Variants in IQCM observed in about 807,000 individuals in gnomAD.
IQCM encodes the protein IQ domain-containing protein M.
In IQCM, 45 loss-of-function variants were observed where a neutral mutation model predicts 57.6. The ratio of observed to expected loss-of-function variants is 0.78; its 90% CI spans 0.62 to 1.00. The LOEUF is 1.00. IQCM is among the 50% of genes least tolerant of loss of function. The probability of loss-of-function intolerance (pLI) is 0.00; values close to 1 mark genes in which losing one functional copy is unlikely to be tolerated. For missense variants in IQCM, 468 were observed against 511.6 expected, an observed-to-expected ratio of 0.91 and a Z score of 0.82; for synonymous variants, 148 against 158.9, an observed-to-expected ratio of 0.93 and a Z score of 0.51.
At chr4:149,493,803 GCT>G (rs1031677929) in intron 12 of IQCM, among the ~76,000 whole-genome samples, 1 of 151,442 alleles carries the variant, frequency 6.6e-6, no homozygotes, top group African/African-American at 2.4e-5. Context: ...TGCTGCAAAC[GCT>G]GTCCTTCACT....
intron 7 of IQCM, among the ~76,000 whole-genome samples, chr4:149,628,084 T>A (rs1420721314): frequency 6.6e-6 from 1 of 152,114 alleles, no homozygotes; most frequent in East Asian, 1.9e-4. Flanking sequence ...TCTACAAATA[T>A]AAGAAAAAAT....
At chr4:149,494,176 G>A (rs532407455) in intron 12 of IQCM, among the ~76,000 whole-genome samples, 23 of 151,982 alleles carry the variant, frequency 1.5e-4, no homozygotes, top group African/African-American at 4.1e-4. Flanking sequence ...CACAGCAGTC[G>A]TTTTTAACGG....
chr4:149,708,062 T>C (rs549659373), intron 5 of IQCM, among the ~76,000 whole-genome samples: 1 of 152,048 alleles, frequency 6.6e-6, no homozygotes, highest in African/African-American at 2.4e-5. Context: ...CACTCTGCCA[T>C]CCACTCAACA....
intron 7 of IQCM, among the ~76,000 whole-genome samples, chr4:149,650,048 G>A (rs1437038718): frequency 6.6e-6 from 1 of 152,052 alleles, no homozygotes; most frequent in African/African-American, 2.4e-5. Flanking sequence ...AAGATAGTAG[G>A]CCCCATGTTA....
At chr4:149,422,741 C>G (rs1362817265) in intron 13 of IQCM, among the ~76,000 whole-genome samples, 2 of 151,950 alleles carry the variant, frequency 1.3e-5, no homozygotes, top group Admixed American at 1.3e-4. Context: ...GTGCCCTCAG[C>G]TCCTCAATTC....
At position 149,354,384 on chromosome 4, in the gene IQCM, A is replaced by C. The variant is rs960607708; in HGVS notation, c.1391-2318T>G. ...GTCTCAAAAAAAAAAAAAAAAAAAAAAAAAACTGACAAATTAGGCCACAGT... is the reference window on the plus strand; with the variant it reads ...GTCTCAAAAAAAAAAAAAAAAAAAACAAAAACTGACAAATTAGGCCACAGT... On this transcript the variant is annotated intron_variant, in intron 13 of 13. Transcript: ENST00000636793. Among the ~76,000 whole-genome samples, 36 of 143,942 alleles carry C rather than the reference A, an allele frequency of 2.5e-4. 2 individuals carry two copies. In the East Asian group the frequency reaches 6.7e-3, roughly 27 times the overall value. The allele number at this position is 143,942 out of a possible 152,430, so 94.4% of individuals were successfully genotyped here.
At chr4:149,590,618 C>T (rs1393648369) in intron 8 of IQCM, among the ~76,000 whole-genome samples, 1 of 151,718 alleles carries the variant, frequency 6.6e-6, no homozygotes, top group Admixed American at 6.6e-5. Context: ...TGCCTGCCAA[C>T]AGGCCCCAGT....
At chr4:149,679,378 C>CAG (rs775482428) in intron 7 of IQCM, among the ~76,000 whole-genome samples, 21 of 151,256 alleles carry the variant, frequency 1.4e-4, no homozygotes, top group South Asian at 1.2e-3. Flanking sequence ...CCATGAAGGG[C>CAG]AGGGAGGAGA....
intron 6 of IQCM, among the ~76,000 whole-genome samples, chr4:149,685,517 A>G (rs1762484771): frequency 6.6e-6 from 1 of 151,460 alleles, no homozygotes; most frequent in Non-Finnish European, 1.5e-5. Context: ...TAAGCCAAGA[A>G]AGTGGTTACC....
intron 12 of IQCM, among the ~76,000 whole-genome samples, chr4:149,458,299 A>T (rs1737916402): frequency 6.6e-6 from 1 of 152,048 alleles, no homozygotes; most frequent in Non-Finnish European, 1.5e-5. Context: ...TAAGCAGTAA[A>T]CAGTGTACTA....
intron 13 of IQCM, among the ~76,000 whole-genome samples, chr4:149,357,640 G>A (rs1042520140): frequency 1.3e-5 from 2 of 152,136 alleles, no homozygotes; most frequent in Non-Finnish European, 1.5e-5. Context: ...TGCTGGATAC[G>A]TTTTGCCAGT....
chr4:149,798,435 G>A (rs949176752), intron 2 of IQCM, among the ~76,000 whole-genome samples: 2 of 152,042 alleles, frequency 1.3e-5, no homozygotes, highest in African/African-American at 4.8e-5. Context: ...CAAGAAGGAA[G>A]TAAAGACAGC....
At chr4:149,549,543 A>C (rs923991111) in intron 11 of IQCM, among the ~76,000 whole-genome samples, 3 of 152,030 alleles carry the variant, frequency 2.0e-5, no homozygotes, top group African/African-American at 7.3e-5. Flanking sequence ...TGATGCATAC[A>C]TTTTATAAGT....
At chr4:149,596,304 G>T (rs528979516) in intron 8 of IQCM, among the ~76,000 whole-genome samples, 1 of 152,224 alleles carries the variant, frequency 6.6e-6, no homozygotes, top group East Asian at 1.9e-4. Context: ...AAAAATAAAA[G>T]ATGTTGTTTA....
intron 3 of IQCM, 58 bp downstream of exon 3, chr4:149,742,597 G>A (rs1199317125): frequency 1.0e-6 from 1 of 992,658 alleles, no homozygotes; most frequent in Non-Finnish European, 1.3e-6. Context: ...AGAAAAGAGT[G>A]GTTAAAACAG....
At chr4:149,761,646 A>G (rs1439274358) in intron 2 of IQCM, among the ~76,000 whole-genome samples, 2 of 152,122 alleles carry the variant, frequency 1.3e-5, no homozygotes, top group Non-Finnish European at 2.9e-5. Flanking sequence ...TATACTTACA[A>G]GAGTCTTAAG....
At chr4:149,607,982 G>C (rs1754946366) in intron 8 of IQCM, among the ~76,000 whole-genome samples, 1 of 151,778 alleles carries the variant, frequency 6.6e-6, no homozygotes, top group Non-Finnish European at 1.5e-5. Flanking sequence ...TAGAGCAGCT[G>C]AATGGATTTA....
At chr4:149,558,406 A>T (rs1479887029) in intron 10 of IQCM, among the ~76,000 whole-genome samples, 1 of 152,204 alleles carries the variant, frequency 6.6e-6, no homozygotes, top group Non-Finnish European at 1.5e-5. Flanking sequence ...AAAATAATTT[A>T]TTAAAAACAT....
intron 13 of IQCM, among the ~76,000 whole-genome samples, chr4:149,428,856 G>C (rs1484672912): frequency 6.6e-6 from 1 of 151,758 alleles, no homozygotes; most frequent in East Asian, 1.9e-4. Flanking sequence ...CTAAGGGCAA[G>C]TAAAATATAT....
Sources: gnomAD v4.1 joint callset for allele counts (sites outside exome capture counted in the v4.1 genomes callset) on GRCh38, gnomAD v4.1.1 for gene constraint, MANE v1.5 for transcripts, NCBI Gene and HGNC (gene_info 2026-07-23, HGNC 2026-07-21) for gene names.